Variants in ACLY observed in about 807,000 individuals in gnomAD.
ACLY encodes the protein ATP citrate lyase.
A neutral mutation model predicts 133.0 loss-of-function variants in ACLY; 41 were observed. That is an observed-to-expected ratio of 0.31 (90% confidence interval 0.24 to 0.40). The LOEUF is 0.40. ACLY is among the 10% of genes least tolerant of loss of function. The pLI is 1.00. For synonymous variants in ACLY, 495 were observed against 549.3 expected (o/e 0.90, Z 1.38); for missense variants, 1,046 against 1,453.8 (o/e 0.72, Z 4.56).
At chr17:41,881,182 C>A (rs2144254505) in intron 20 of ACLY, among the ~76,000 whole-genome samples, 1 of 152,070 alleles carries the variant, frequency 6.6e-6, no homozygotes, top group East Asian at 1.9e-4. Flanking sequence ...GTAATCCCAG[C>A]ACTTTGGGAG....
intron 16 of ACLY, among the ~76,000 whole-genome samples, chr17:41,889,524 CAAAAAAAA>C (rs533387140): frequency 0.029 from 917 of 31,518 alleles, no homozygotes; most frequent in Non-Finnish European, 0.035. Context: ...CTCCATTTCA[CAAAAAAAA>C]AAAAAAAAAA....
chr17:41,908,167 G>A (rs2049782743), intron 6 of ACLY, among the ~76,000 whole-genome samples: 2 of 152,336 alleles, frequency 1.3e-5, no homozygotes, highest in Admixed American at 6.5e-5. Context: ...ATCCTCAGCT[G>A]GAATGATTTG....
intron 20 of ACLY, among the ~76,000 whole-genome samples, chr17:41,882,218 T>C (rs563823366): frequency 6.6e-6 from 1 of 151,444 alleles, no homozygotes; most frequent in East Asian, 1.9e-4. Context: ...AATACAAAAA[T>C]TAGCTGGGTG....
chr17:41,903,476 C>T lies in ACLY; in HGVS notation c.1065+1253G>A, dbSNP rs782475477. 3.3e-5 allele frequency among the ~76,000 whole-genome samples: 5 copies of T among 152,036 alleles called. No homozygotes were observed. The East Asian group carries it at 5.8e-4, about 18-fold the overall frequency. On this transcript the variant is annotated intron_variant, in intron 10 of 28. Coordinates refer to ENST00000352035, the MANE Select transcript of ACLY (RefSeq NM_001096.3). ...CAGAAAGATATAAGACCAGGATGGC[C>T]GGGCACAGTGGCTCAAGTCAGTAAT...
At chr17:41,892,904 C>A in intron 15 of ACLY, 129 bp downstream of exon 15, 1 of 1,215,454 alleles carries the variant, frequency 8.2e-7, no homozygotes, top group African/African-American at 1.5e-5. Context: ...GTCTCAAACT[C>A]CTGGGCTCAA....
intron 9 of ACLY, among the ~76,000 whole-genome samples, chr17:41,905,279 G>C (rs1166118652): frequency 2.0e-5 from 3 of 152,160 alleles, no homozygotes; most frequent in African/African-American, 7.2e-5. Flanking sequence ...CTCCTCCCCT[G>C]CACTTGTTTG....
At chr17:41,891,648 G>A (rs2049215800) in intron 16 of ACLY, among the ~76,000 whole-genome samples, 1 of 151,730 alleles carries the variant, frequency 6.6e-6, no homozygotes, top group African/African-American at 2.4e-5. Flanking sequence ...CTCCCAAAGT[G>A]CTGGAATAAC....
intron 16 of ACLY, among the ~76,000 whole-genome samples, chr17:41,888,606 C>A (rs2049116714): frequency 6.6e-6 from 1 of 152,170 alleles, no homozygotes. Context: ...ATTGTAGGGG[C>A]CAGGTAGAGT....
intron 20 of ACLY, among the ~76,000 whole-genome samples, chr17:41,882,628 C>T (rs781798585): frequency 6.6e-6 from 1 of 152,170 alleles, no homozygotes; most frequent in South Asian, 2.1e-4. Context: ...TTATATTCAA[C>T]ACCATCAGGT....
intron 10 of ACLY, 173 bp downstream of exon 10, chr17:41,904,556 C>T: frequency 1.6e-6 from 1 of 620,556 alleles, no homozygotes; most frequent in South Asian, 1.9e-5. Context: ...AGATGGGCAG[C>T]TCCTGTCCCA....
Position 41,886,191 on chromosome 17 carries a change from C to G in ACLY, c.1993G>C (p.Gly665Arg). 1 of 1,614,194 alleles carries G rather than the reference C, an allele frequency of 6.2e-7. No homozygotes were observed. Among genetic ancestry groups the G allele is most frequent in the Non-Finnish European group, 8.5e-7 (1 of 1,180,036 alleles). Residue 665 changes from glycine to arginine, a missense_variant, in exon 18 of 29, where the codon GGC becomes CGC. Transcript: ENST00000352035. ...ATATTGTTGAGCTCGTTGGACATGCCTCCGGAACGTGAGACATAGGCCACG... is the reference window on the plus strand; with the variant it reads ...ATATTGTTGAGCTCGTTGGACATGCGTCCGGAACGTGAGACATAGGCCACG... ...GSVAYVSRSG[G>R]MSNELNNIIS...
chr17:41,915,311 C>A (rs2050022402), intron 1 of ACLY, among the ~76,000 whole-genome samples: 1 of 152,132 alleles, frequency 6.6e-6, no homozygotes, highest in Non-Finnish European at 1.5e-5. Flanking sequence ...CTGACTCCCC[C>A]AAAGCCCAGA....
chr17:41,918,592 C>A (rs1468676468), intron 1 of ACLY, among the ~76,000 whole-genome samples: 3 of 152,092 alleles, frequency 2.0e-5, no homozygotes, highest in Admixed American at 2.0e-4. Flanking sequence ...GGGGACCATG[C>A]AATGTGGCAG....
At chr17:41,911,334 G>T (rs1393554603) in intron 3 of ACLY, among the ~76,000 whole-genome samples, 1 of 152,172 alleles carries the variant, frequency 6.6e-6, no homozygotes, top group Non-Finnish European at 1.5e-5. Flanking sequence ...TACAGAGCCA[G>T]GTGTGGATGG....
chr17:41,919,215 G>A (rs2050140707), upstream of ACLY, among the ~76,000 whole-genome samples: 1 of 152,128 alleles, frequency 6.6e-6, no homozygotes, highest in South Asian at 2.1e-4. Flanking sequence ...GTGGGGAGAT[G>A]GGCCGGGCTA....
At chr17:41,893,630 G>C (rs1226962201) in intron 14 of ACLY, among the ~76,000 whole-genome samples, 1 of 152,210 alleles carries the variant, frequency 6.6e-6, no homozygotes, top group Non-Finnish European at 1.5e-5. Context: ...TTATTACCCT[G>C]TAAATCTGGA....
At chr17:41,917,261 T>C (rs144688898) in intron 1 of ACLY, among the ~76,000 whole-genome samples, 10 of 152,290 alleles carry the variant, frequency 6.6e-5, no homozygotes, top group African/African-American at 1.4e-4. Context: ...CTGAATGTGC[T>C]GTCAAACAAG....
At chr17:41,879,184 C>T (rs1555626734) in intron 20 of ACLY, among the ~76,000 whole-genome samples, 1 of 152,138 alleles carries the variant, frequency 6.6e-6, no homozygotes, top group Non-Finnish European at 1.5e-5. Flanking sequence ...CCAGAATCAC[C>T]TTCCTCTGCC....
chr17:41,918,971 T>G, upstream of ACLY: 1 of 1,288,652 alleles, frequency 7.8e-7, no homozygotes, highest in Non-Finnish European at 1.0e-6. Flanking sequence ...CTTCCCGGGA[T>G]CCGGCTTTTG....
Sources: allele counts gnomAD v4.1 joint callset (sites outside exome capture counted in the v4.1 genomes callset), GRCh38; gene constraint gnomAD v4.1.1; transcripts MANE v1.5; gene names NCBI Gene and HGNC (gene_info 2026-07-23, HGNC 2026-07-21).